Variants in EMC3 observed in about 807,000 individuals in gnomAD.
EMC3 encodes ER membrane protein complex subunit 3, also known as 30 kDa protein.
EMC3 carries 13 observed loss-of-function variants against 36.6 expected under a neutral mutation model. That is an observed-to-expected ratio of 0.35 (90% CI 0.23 to 0.56). The LOEUF (loss-of-function observed/expected upper bound fraction) is 0.56, where lower values mean the gene tolerates loss of function less well. Ranked by LOEUF, EMC3 falls within the 20% of genes least tolerant of loss-of-function variation. The pLI is 0.84. For missense variants in EMC3, 220 were observed against 324.5 expected (o/e 0.68, Z 2.47); for synonymous variants, 120 against 111.9 (o/e 1.07, Z -0.46).
chr3:10,001,932 G>T (rs1271326780), intron 1 of EMC3, among the ~76,000 whole-genome samples: 1 of 152,094 alleles, frequency 6.6e-6, no homozygotes, highest in African/African-American at 2.4e-5. Flanking sequence ...CCAGGAGGTG[G>T]AGCTTGCAGT....
At chr3:9,974,809 C>T (rs1168464454) in intron 3 of EMC3, among the ~76,000 whole-genome samples, 21 of 150,036 alleles carry the variant, frequency 1.4e-4, no homozygotes, top group African/African-American at 4.4e-4. Context: ...CCGCCTGCTT[C>T]GGCCTCCCAA....
chr3:9,986,385 C>A (rs2085972230), intron 1 of EMC3, 122 bp downstream of exon 1: 1 of 1,116,748 alleles, frequency 9.0e-7, no homozygotes, highest in East Asian at 2.4e-5. Flanking sequence ...ACAGAGGTAA[C>A]GGGTAAGGTC....
At chr3:9,987,917 G>T, upstream of EMC3, 1 of 1,027,438 alleles carries the variant, frequency 9.7e-7, no homozygotes, top group Non-Finnish European at 1.5e-6. Context: ...TAATCTCTGA[G>T]CTTCGGGAGA....
Position 9,963,812 on chromosome 3 carries a change from C to A in EMC3, c.*257G>T. The A allele has an allele frequency of 2.6e-6, 1 of 387,134 alleles. No homozygotes were observed. The highest frequency in any genetic ancestry group is 5.6e-5 in the East Asian group (1 of 17,808). 24.0% of individuals were successfully genotyped at this position (387,134 alleles called of 1,614,324 possible). On this transcript the variant is annotated 3_prime_UTR_variant, in exon 8 of 8. Transcript: ENST00000245046. The stretch of plus-strand genomic sequence containing the variant: ...TATTATCAGTAGCCTGAGGTTTCCC[C>A]CTTTCTCTGACTTTCATTACTAGAG...
intron 1 of EMC3, among the ~76,000 whole-genome samples, chr3:9,980,383 T>G (rs2085897105): frequency 6.6e-6 from 1 of 151,166 alleles, no homozygotes; most frequent in Non-Finnish European, 1.5e-5. Context: ...TTTTTTTTTT[T>G]GAGACAGGGT....
At chr3:9,983,669 T>A (rs927385752) in intron 1 of EMC3, among the ~76,000 whole-genome samples, 10 of 144,788 alleles carry the variant, frequency 6.9e-5, no homozygotes, top group Non-Finnish European at 1.2e-4. Flanking sequence ...GACTCTGGTC[T>A]CCAAAAAAAA....
chr3:9,965,462 A>ATAGATAGATAG, intron 7 of EMC3, among the ~76,000 whole-genome samples: 2 of 151,958 alleles, frequency 1.3e-5, no homozygotes, highest in African/African-American at 2.4e-5. Flanking sequence ...AGATAGATAG[A>ATAGATAGATAG]ACAAGCTTAT....
At chr3:9,985,791 G>A (rs1344572425) in intron 1 of EMC3, among the ~76,000 whole-genome samples, 1 of 152,144 alleles carries the variant, frequency 6.6e-6, no homozygotes, top group African/African-American at 2.4e-5. Flanking sequence ...CTACTCGGGG[G>A]GCTGAGGCAA....
At chr3:9,985,022 A>C (rs1007659060) in intron 1 of EMC3, among the ~76,000 whole-genome samples, 2 of 152,244 alleles carry the variant, frequency 1.3e-5, no homozygotes, top group Admixed American at 1.3e-4. Flanking sequence ...AATGGTTATT[A>C]TTCTTCTTGG....
chr3:10,003,562 G>T (rs546283367), intron 1 of EMC3: 1 of 271,416 alleles, frequency 3.7e-6, no homozygotes, highest in East Asian at 8.5e-5. Flanking sequence ...GACACCATTG[G>T]CCGTGGCACG....
chr3:9,969,580 G>A (rs1233472705), intron 7 of EMC3, 139 bp downstream of exon 7: 37 of 1,533,776 alleles, frequency 2.4e-5, no homozygotes, highest in Middle Eastern at 1.8e-4. Flanking sequence ...AAAGAGAGAC[G>A]TGTAAACTAT....
intron 6 of EMC3, among the ~76,000 whole-genome samples, chr3:9,970,302 A>T (rs1670060890): frequency 6.6e-6 from 1 of 152,182 alleles, no homozygotes; most frequent in African/African-American, 2.4e-5. Context: ...TTTAAGCTTT[A>T]GGTTCACAGG....
upstream of EMC3, chr3:9,987,863 TATGA>T (rs1303765795): frequency 1.4e-6 from 1 of 735,154 alleles, no homozygotes; most frequent in South Asian, 1.4e-5. Flanking sequence ...ACCTACCCAC[TATGA>T]ATGAGCAGAA....
intron 4 of EMC3, among the ~76,000 whole-genome samples, chr3:9,974,057 A>G (rs975865055): frequency 3.9e-5 from 6 of 152,248 alleles, no homozygotes; most frequent in Non-Finnish European, 7.3e-5. Context: ...ATCAACTTAC[A>G]AACAAACAGA....
At chr3:9,965,176 G>A (rs150815819) in intron 7 of EMC3, among the ~76,000 whole-genome samples, 4 of 152,000 alleles carry the variant, frequency 2.6e-5, no homozygotes, top group Middle Eastern at 3.4e-3. Flanking sequence ...GGAGGCCAAG[G>A]CAGGAGGATC....
Position 9,999,919 on chromosome 3 carries a change from C to G in EMC3, c.-242+11104G>C, listed in dbSNP as rs2086176499. ...GAACACCAAACACAGTTGAATCTTG[C>G]TTGGTTCTAAGACAGTGAGGAAATT... is the stretch of plus-strand genomic sequence containing the variant. On this transcript the variant is annotated intron_variant, in intron 1 of 8. Coordinates refer to the EMC3 transcript ENST00000470827. Among the ~76,000 whole-genome samples, 8 of 152,166 alleles carry G rather than the reference C, an allele frequency of 5.3e-5. 1 individual carries two copies. The South Asian group carries it at 1.7e-3, about 31-fold the overall frequency.
At chr3:9,966,147 C>T (rs2085734347) in intron 7 of EMC3, among the ~76,000 whole-genome samples, 1 of 152,010 alleles carries the variant, frequency 6.6e-6, no homozygotes, top group Non-Finnish European at 1.5e-5. Flanking sequence ...AATTTCTCCA[C>T]ATCCTTACCG....
chr3:9,986,699 G>C lies in EMC3; in HGVS notation c.-38C>G, dbSNP rs2085977488. The C allele has an allele frequency of 6.2e-7, 1 of 1,610,610 alleles. No individual in the cohort carries two copies. The highest frequency in any genetic ancestry group is 8.5e-7 in the Non-Finnish European group (1 of 1,177,792). On this transcript the variant is annotated 5_prime_UTR_variant, in exon 1 of 8. Coordinates refer to ENST00000245046, the MANE Select transcript of EMC3 (RefSeq NM_001394674.1). The stretch of plus-strand genomic sequence containing the variant: ...CTGGTTCCCAGTCTGGAATGGGCGA[G>C]CTTCTCTTCTCCGGGGCACAGTTGC...
chr3:9,993,649 C>T (rs1339177621), intron 1 of EMC3, among the ~76,000 whole-genome samples: 1 of 152,122 alleles, frequency 6.6e-6, no homozygotes, highest in African/African-American at 2.4e-5. Flanking sequence ...AGCATTATAC[C>T]CAGCTTACTA....
Sources: allele counts gnomAD v4.1 joint callset (sites outside exome capture counted in the v4.1 genomes callset), GRCh38; gene constraint gnomAD v4.1.1; transcripts MANE v1.5; gene names NCBI Gene and HGNC (gene_info 2026-07-23, HGNC 2026-07-21).